TP63: variants seen among roughly 807,000 people sequenced by gnomAD.
The protein encoded by TP63 is tumor protein p63, also known as tumor protein 63.
TP63 carries 17 observed loss-of-function variants against 82.8 expected under a neutral mutation model. That is an observed-to-expected ratio of 0.21 (90% CI 0.14 to 0.31). The LOEUF is 0.31. TP63 is among the 10% of genes least tolerant of loss of function. The probability of loss-of-function intolerance (pLI) is 1.00; values close to 1 mark genes in which losing one functional copy is unlikely to be tolerated. For missense variants in TP63, 648 were observed against 895.3 expected (o/e 0.72, Z 3.52); for synonymous variants, 330 against 321.7 (o/e 1.03, Z -0.28).
chr3:189,887,271 C>A (rs866762761), intron 11 of TP63, among the ~76,000 whole-genome samples: 94 of 151,734 alleles, frequency 6.2e-4, no homozygotes, highest in African/African-American at 2.2e-3. Flanking sequence ...AAAAATACCT[C>A]TAATTACAAA....
chr3:189,793,368 T>C (rs1217989243), intron 3 of TP63, among the ~76,000 whole-genome samples: 1 of 152,116 alleles, frequency 6.6e-6, no homozygotes, highest in Non-Finnish European at 1.5e-5. Flanking sequence ...ATGTCTACAT[T>C]TTCTAGAGCA....
At chr3:189,606,421 C>T in the TP63 span, among the ~76,000 whole-genome samples, 1 of 151,652 alleles carries the variant, frequency 6.6e-6, no homozygotes, top group African/African-American at 2.4e-5. Context: ...CAGAGCTAGG[C>T]CTACATAAAT....
intron 3 of TP63, among the ~76,000 whole-genome samples, chr3:189,774,204 G>A (rs1301440036): frequency 6.6e-6 from 1 of 152,062 alleles, no homozygotes. Flanking sequence ...TTACAGGCGT[G>A]AGCCACCACG....
At chr3:189,781,718 A>G (rs2108577161) in intron 3 of TP63, among the ~76,000 whole-genome samples, 2 of 152,246 alleles carry the variant, frequency 1.3e-5, no homozygotes, top group South Asian at 4.1e-4. Flanking sequence ...CCTGCTGAGG[A>G]GAGAGAAATT....
At chr3:189,885,176 A>AT (rs1720312219) in intron 10 of TP63, among the ~76,000 whole-genome samples, 1 of 152,234 alleles carries the variant, frequency 6.6e-6, no homozygotes, top group Admixed American at 6.5e-5. Flanking sequence ...GAGTTTTCCC[A>AT]TAACAGACTA....
At chr3:189,706,610 G>A (rs996649777) in intron 1 of TP63, among the ~76,000 whole-genome samples, 5 of 152,046 alleles carry the variant, frequency 3.3e-5, no homozygotes. Context: ...ATCTTCTGCC[G>A]TGGGCTCTCT....
At chr3:189,828,143 A>C (rs1248513691) in intron 4 of TP63, among the ~76,000 whole-genome samples, 1 of 151,940 alleles carries the variant, frequency 6.6e-6, no homozygotes, top group Non-Finnish European at 1.5e-5. Context: ...CGGGAAGCCG[A>C]GGCAGGATAA....
intron 3 of TP63, among the ~76,000 whole-genome samples, chr3:189,760,829 A>G (rs1471150075): frequency 6.6e-6 from 1 of 152,194 alleles, no homozygotes; most frequent in African/African-American, 2.4e-5. Flanking sequence ...GCATCCAGGC[A>G]TTTCCATACA....
At chr3:189,885,042 T>C (rs930800291) in intron 10 of TP63, among the ~76,000 whole-genome samples, 4 of 152,232 alleles carry the variant, frequency 2.6e-5, no homozygotes, top group African/African-American at 9.6e-5. Context: ...ATTTGAATTA[T>C]ACATATATAT....
At chr3:189,671,416 G>A (rs940709984) in intron 1 of TP63, among the ~76,000 whole-genome samples, 2 of 151,954 alleles carry the variant, frequency 1.3e-5, no homozygotes, top group African/African-American at 2.4e-5. Flanking sequence ...TGAAGGAAAG[G>A]GAACTCTTAC....
At chr3:189,739,905 A>G (rs1441894029) in intron 3 of TP63, among the ~76,000 whole-genome samples, 1 of 151,696 alleles carries the variant, frequency 6.6e-6, no homozygotes, top group African/African-American at 2.4e-5. Flanking sequence ...GTATCTGTTG[A>G]CGAGATTAAG....
chr3:189,737,024 G>A (rs1720644862), intron 1 of TP63, among the ~76,000 whole-genome samples: 1 of 152,080 alleles, frequency 6.6e-6, no homozygotes. Context: ...AATAAGTAAA[G>A]CAAACTTCAG....
Position 189,747,359 on chromosome 3 carries a change from G to T in TP63, c.324+8585G>T, listed in dbSNP as rs191059434. ...GATCATATATTAGGACACAAAATAA[G>T]TCTCAAAAATTTTTTAAAAATTGAA... On this transcript the variant is annotated intron_variant, in intron 3 of 13. Transcript: ENST00000264731. Among the ~76,000 whole-genome samples, 9 of 152,086 alleles carry T rather than the reference G, an allele frequency of 5.9e-5. No individual in the cohort carries two copies. The East Asian group carries it at 1.7e-3, about 29-fold the overall frequency.
At chr3:189,858,108 G>GA (rs2108780706) in intron 4 of TP63, among the ~76,000 whole-genome samples, 1 of 152,186 alleles carries the variant, frequency 6.6e-6, no homozygotes, top group Non-Finnish European at 1.5e-5. Context: ...AAATGGATAA[G>GA]AAAATGTTGT....
At chr3:189,835,400 G>A (rs928576691) in intron 4 of TP63, among the ~76,000 whole-genome samples, 3 of 151,876 alleles carry the variant, frequency 2.0e-5, no homozygotes, top group African/African-American at 7.3e-5. Flanking sequence ...TACTTTTTTT[G>A]TCCTAACTGT....
intron 3 of TP63, among the ~76,000 whole-genome samples, chr3:189,745,687 A>T (rs1721314285): frequency 7.0e-6 from 1 of 143,752 alleles, no homozygotes; most frequent in African/African-American, 2.6e-5. Flanking sequence ...AGCCTGGGTG[A>T]CAAGAGCAGA....
intron 1 of TP63, chr3:189,645,312 G>A (rs1712313989): frequency 4.0e-6 from 2 of 501,622 alleles, no homozygotes. Context: ...CCCTTCTTTG[G>A]TTCCTTTTCC....
the TP63 span, among the ~76,000 whole-genome samples, chr3:189,604,782 T>A: frequency 6.6e-6 from 1 of 152,208 alleles, no homozygotes; most frequent in African/African-American, 2.4e-5. Context: ...GAAAACCACC[T>A]TTACAGTTTG....
At chr3:189,809,756 TATTACACTCTAACATC>T (rs1727326689) in intron 4 of TP63, among the ~76,000 whole-genome samples, 1 of 152,234 alleles carries the variant, frequency 6.6e-6, no homozygotes, top group Non-Finnish European at 1.5e-5. Flanking sequence ...GCCTAAGACC[TATTACACTCTAACATC>T]ATTTCACATC....
Sources: gnomAD v4.1 joint callset for allele counts (sites outside exome capture counted in the v4.1 genomes callset) on GRCh38, gnomAD v4.1.1 for gene constraint, MANE v1.5 for transcripts, NCBI Gene and HGNC (gene_info 2026-07-23, HGNC 2026-07-21) for gene names.